Variants in FMN2 observed in about 807,000 individuals in gnomAD.
The protein encoded by FMN2 is formin 2, also known as formin-2.
FMN2 carries 51 observed loss-of-function variants against 142.3 expected under a neutral mutation model. The ratio of observed to expected loss-of-function variants is 0.36; its 90% CI spans 0.29 to 0.45. The LOEUF (loss-of-function observed/expected upper bound fraction) is 0.45, where lower values mean the gene tolerates loss of function less well. Among genes scored for constraint, FMN2 ranks in the 20% least tolerant of loss-of-function variants. FMN2 has a pLI of 1.00. For missense variants in FMN2, 1,936 were observed against 2,122.8 expected (o/e 0.91, Z 1.73); for synonymous variants, 882 against 869.8 (o/e 1.01, Z -0.25).
intron 7 of FMN2, 47 bp downstream of exon 7, chr1:240,258,079 C>A (rs971880663): frequency 7.6e-6 from 11 of 1,446,244 alleles, no homozygotes; most frequent in Non-Finnish European, 8.7e-6. Context: ...AAAATTTGGG[C>A]TGAGGGATAT....
chr1:240,385,802 C>A (rs1341855299), intron 14 of FMN2, among the ~76,000 whole-genome samples: 1 of 152,042 alleles, frequency 6.6e-6, no homozygotes, highest in African/African-American at 2.4e-5. Context: ...GTGTCATTTT[C>A]TATTATGTAT....
intron 13 of FMN2, among the ~76,000 whole-genome samples, chr1:240,348,171 TATAAGC>T (rs1671970819): frequency 6.6e-6 from 1 of 152,066 alleles, no homozygotes; most frequent in Non-Finnish European, 1.5e-5. Context: ...ATCAACAATG[TATAAGC>T]ATTTCATTTC....
At chr1:240,345,335 T>C (rs192409714) in intron 13 of FMN2, among the ~76,000 whole-genome samples, 28 of 152,336 alleles carry the variant, frequency 1.8e-4, no homozygotes, top group African/African-American at 6.7e-4. Flanking sequence ...TGGTGATTGG[T>C]ATTCTTTTTA....
chr1:240,170,484 A>T (rs1292559613), intron 2 of FMN2: 31 of 1,462,250 alleles, frequency 2.1e-5, no homozygotes, highest in Non-Finnish European at 3.0e-5. Context: ...TTTTGTCTAA[A>T]TCCTAAAACT....
intron 2 of FMN2, among the ~76,000 whole-genome samples, chr1:240,157,515 G>A (rs1664072269): frequency 6.6e-6 from 1 of 152,126 alleles, no homozygotes. Context: ...TTATCTGAAG[G>A]TGAAACCAGT....
chr1:240,295,002 A>T, intron 8 of FMN2, 119 bp downstream of exon 8: 1 of 803,370 alleles, frequency 1.2e-6, no homozygotes. Flanking sequence ...GAGTGTAGTG[A>T]ATTTGCCTAA....
chr1:240,224,303 A>T (rs1183977706), intron 6 of FMN2, among the ~76,000 whole-genome samples: 2 of 152,108 alleles, frequency 1.3e-5, no homozygotes, highest in Non-Finnish European at 2.9e-5. Flanking sequence ...TTTGACTGAG[A>T]TTCTTAATCC....
intron 2 of FMN2, among the ~76,000 whole-genome samples, chr1:240,149,704 A>G (rs1055991756): frequency 1.3e-5 from 2 of 152,234 alleles, no homozygotes; most frequent in Non-Finnish European, 2.9e-5. Context: ...CAAATTATGC[A>G]GAAGAATTCT....
At chr1:240,152,938 C>T (rs1290537332) in intron 2 of FMN2, among the ~76,000 whole-genome samples, 1 of 152,084 alleles carries the variant, frequency 6.6e-6, no homozygotes, top group African/African-American at 2.4e-5. Flanking sequence ...ACCCTGTAGC[C>T]CTGTGATTTT....
chr1:240,217,874 T>C (rs1353741951), intron 6 of FMN2, among the ~76,000 whole-genome samples: 5 of 152,168 alleles, frequency 3.3e-5, no homozygotes, highest in Non-Finnish European at 7.3e-5. Context: ...ATCCTTCACC[T>C]TGCTAGATTA....
At position 240,473,231 on chromosome 1, in the gene FMN2, C is replaced by T. The variant is rs1676868827; in HGVS notation, c.5142+778C>T. 6.6e-6 allele frequency among the ~76,000 whole-genome samples: 1 copy of T among 152,200 alleles called. No individual in the cohort carries two copies. The highest frequency in any genetic ancestry group is 2.1e-4 in the South Asian group (1 of 4,814). Reference sequence around the variant, plus strand: ...CAGATGGCTCGGCAGAGTTGGCTGCCGGAGAGTGGTCAGTCCAGAGACGGA... The same window carrying T: ...CAGATGGCTCGGCAGAGTTGGCTGCTGGAGAGTGGTCAGTCCAGAGACGGA... On this transcript the variant is annotated intron_variant, in intron 17 of 17. Transcript: ENST00000319653. The surrounding 1 kb of genome is among the most constrained non-coding windows in gnomAD (Gnocchi z 4.3).
intron 6 of FMN2, among the ~76,000 whole-genome samples, chr1:240,216,535 A>G (rs899432032): frequency 6.6e-6 from 1 of 152,198 alleles, no homozygotes; most frequent in East Asian, 1.9e-4. Context: ...GTTGGACTTT[A>G]GCCTCTGGAA....
intron 1 of FMN2, among the ~76,000 whole-genome samples, chr1:240,105,755 G>T (rs539387129): frequency 1.3e-5 from 2 of 152,172 alleles, no homozygotes; most frequent in South Asian, 4.1e-4. Context: ...TATCTATCAG[G>T]TATAAATACT....
chr1:240,194,066 T>C (rs770736523), intron 4 of FMN2, among the ~76,000 whole-genome samples: 19 of 152,144 alleles, frequency 1.2e-4, no homozygotes, highest in Admixed American at 2.6e-4. Flanking sequence ...TTTGTTGTTG[T>C]TGTTGTTTTT....
chr1:240,199,235 G>C (rs1256357174), intron 4 of FMN2, among the ~76,000 whole-genome samples: 1 of 152,166 alleles, frequency 6.6e-6, no homozygotes, highest in Non-Finnish European at 1.5e-5. Flanking sequence ...GAATTTAGCA[G>C]AATTTGAAAA....
At chr1:240,408,574 G>A (rs542263687) in intron 15 of FMN2, among the ~76,000 whole-genome samples, 17 of 152,134 alleles carry the variant, frequency 1.1e-4, no homozygotes, top group African/African-American at 3.4e-4. Context: ...CCATTTTAAA[G>A]TTGATTTTTA....
intron 15 of FMN2, among the ~76,000 whole-genome samples, chr1:240,417,752 C>T (rs1268243267): frequency 2.0e-5 from 3 of 152,074 alleles, no homozygotes; most frequent in Non-Finnish European, 4.4e-5. Context: ...AATCCATGAC[C>T]TGCTAAATAA....
In FMN2 at chr1:240,474,274, A is replaced by G. The variant is rs1676902258; in HGVS notation, c.*120A>G. 2.2e-6 allele frequency: 2 copies of G among 919,590 alleles called. No individual in the cohort carries two copies. Among genetic ancestry groups the G allele is most frequent in the South Asian group, 4.1e-5 (2 of 49,174 alleles). 57.0% of individuals were successfully genotyped at this position (919,590 alleles called of 1,614,324 possible). A position where few individuals can be genotyped will look rare whatever the true frequency, so the allele number is the denominator to read the frequency against. ...ATGTTTCTTCTTGACCTCTTGCATAATCTTTTTGTTTTCTAGACAGTTCAC... is the reference window on the plus strand; with the variant it reads ...ATGTTTCTTCTTGACCTCTTGCATAGTCTTTTTGTTTTCTAGACAGTTCAC... On this transcript the variant is annotated 3_prime_UTR_variant, in exon 18 of 18. Coordinates refer to ENST00000319653, the MANE Select transcript of FMN2 (RefSeq NM_020066.5).
chr1:240,468,538 G>T (rs1011883085), intron 16 of FMN2, among the ~76,000 whole-genome samples: 1 of 152,088 alleles, frequency 6.6e-6, no homozygotes, highest in East Asian at 1.9e-4. Flanking sequence ...TATCAATGAG[G>T]TATTGTCCCT....
Sources: allele counts gnomAD v4.1 joint callset (sites outside exome capture counted in the v4.1 genomes callset), GRCh38; gene constraint gnomAD v4.1.1; non-coding constraint Gnocchi (gnomAD v3.1); transcripts MANE v1.5; gene names NCBI Gene and HGNC (gene_info 2026-07-23, HGNC 2026-07-21).